UBASH3B: variants seen among roughly 807,000 people sequenced by gnomAD.
UBASH3B encodes the protein ubiquitin-associated and SH3 domain-containing protein B.
Under a neutral mutation model 83.4 loss-of-function variants are expected in UBASH3B, and 37 were observed. That is an observed-to-expected ratio of 0.44 (90% CI 0.34 to 0.58). The LOEUF (loss-of-function observed/expected upper bound fraction) is 0.58, where lower values mean the gene tolerates loss of function less well. UBASH3B is among the 20% of genes least tolerant of loss of function. The pLI, the probability that UBASH3B is intolerant of heterozygous loss-of-function variation, is 0.01. For synonymous variants in UBASH3B, 304 were observed against 318.3 expected, an observed-to-expected ratio of 0.96 and a Z score of 0.48; for missense variants, 657 against 827.2, an observed-to-expected ratio of 0.79 and a Z score of 2.52.
At chr11:122,686,139 A>G (rs761685381) in intron 1 of UBASH3B, among the ~76,000 whole-genome samples, 42 of 152,326 alleles carry the variant, frequency 2.8e-4, no homozygotes, top group South Asian at 1.9e-3. Context: ...AGGAAGTCCA[A>G]TCTCAACTAT....
chr11:122,707,337 G>T (rs1303617799), intron 1 of UBASH3B, among the ~76,000 whole-genome samples: 1 of 152,058 alleles, frequency 6.6e-6, no homozygotes, highest in Non-Finnish European at 1.5e-5. Context: ...TTCTGACGGG[G>T]AGTGGTAACC....
intron 1 of UBASH3B, among the ~76,000 whole-genome samples, chr11:122,699,937 ATTGTTTAGCTT>A (rs1591775441): frequency 6.6e-6 from 1 of 152,254 alleles, no homozygotes; most frequent in East Asian, 1.9e-4. Flanking sequence ...CGTAAATATT[ATTGTTTAGCTT>A]TGGAAATCGA....
At chr11:122,664,663 G>C (rs1383077338) in intron 1 of UBASH3B, among the ~76,000 whole-genome samples, 1 of 152,196 alleles carries the variant, frequency 6.6e-6, no homozygotes, top group Non-Finnish European at 1.5e-5. Context: ...TCACATCCCT[G>C]TTTTCCTGGT....
intron 1 of UBASH3B, among the ~76,000 whole-genome samples, chr11:122,732,485 T>G (rs1043360093): frequency 2.6e-5 from 4 of 152,224 alleles, no homozygotes; most frequent in Admixed American, 2.0e-4. Flanking sequence ...CCCTGCACGT[T>G]GTAAGTCTCT....
Position 122,784,842 on chromosome 11 carries a change from C to T in UBASH3B, c.771+1620C>T, listed in dbSNP as rs556679697. On this transcript the variant is annotated intron_variant, in intron 5 of 13. Transcript: ENST00000284273. ...GGAACGTGATGTCCTCCTTTTGAGTCATTTGATGCAGGTTTCTGTAAGATG... is the reference window on the plus strand; with the variant it reads ...GGAACGTGATGTCCTCCTTTTGAGTTATTTGATGCAGGTTTCTGTAAGATG... Among the ~76,000 whole-genome samples, 338 of 152,242 alleles carry T rather than the reference C, an allele frequency of 2.2e-3. 1 individual carries two copies. Among genetic ancestry groups the T allele is most frequent in the African/African-American group, 7.3e-3 (304 of 41,544 alleles).
chr11:122,799,870 T>G (rs1348938040), intron 10 of UBASH3B, among the ~76,000 whole-genome samples: 1 of 152,226 alleles, frequency 6.6e-6, no homozygotes, highest in African/African-American at 2.4e-5. Flanking sequence ...GCAACAGGAT[T>G]AGACTGTTTA....
chr11:122,790,341 C>A (rs373611502), intron 6 of UBASH3B, among the ~76,000 whole-genome samples: 1 of 152,114 alleles, frequency 6.6e-6, no homozygotes, highest in Non-Finnish European at 1.5e-5. Context: ...AATCCCTCCC[C>A]CTCTCCCTCA....
chr11:122,779,383 G>T, intron 3 of UBASH3B, 114 bp from the exon 4 acceptor site: 1 of 1,132,314 alleles, frequency 8.8e-7, no homozygotes, highest in Admixed American at 1.8e-5. Flanking sequence ...TAGTGGTTAA[G>T]TAATTGCATT....
At position 122,806,282 on chromosome 11, in the gene UBASH3B, G is replaced by C. The variant is rs1011742206; in HGVS notation, c.1596-128G>C. 1.0e-5 allele frequency: 8 copies of C among 772,300 alleles called. No individual in the cohort carries two copies. Among genetic ancestry groups the C allele is most frequent in the Middle Eastern group, 3.0e-4 (1 of 3,350 alleles). 47.8% of individuals were successfully genotyped at this position (772,300 alleles called of 1,614,324 possible). On this transcript the variant is annotated intron_variant, in intron 11 of 13. Coordinates refer to ENST00000284273, the MANE Select transcript of UBASH3B (RefSeq NM_032873.5). This position sits in a 1 kb window ranked among gnomAD's most constrained non-coding sequence, Gnocchi z 4.0. ...GTTCCCTATACCTTTCTCCTTTCTAGGGAAATGGATAAACAAACAGATCTA... is the reference window on the plus strand; with the variant it reads ...GTTCCCTATACCTTTCTCCTTTCTACGGAAATGGATAAACAAACAGATCTA...
At chr11:122,730,795 A>T (rs1182668708) in intron 1 of UBASH3B, among the ~76,000 whole-genome samples, 3 of 151,740 alleles carry the variant, frequency 2.0e-5, no homozygotes, top group Non-Finnish European at 2.9e-5. Flanking sequence ...GGATTTCTCT[A>T]TGTTGGTCAG....
At chr11:122,766,369 C>A (rs1284061485) in intron 1 of UBASH3B, among the ~76,000 whole-genome samples, 2 of 152,056 alleles carry the variant, frequency 1.3e-5, no homozygotes, top group African/African-American at 2.4e-5. Flanking sequence ...ACAGGTGAAA[C>A]CCCGTCTCTA....
chr11:122,770,692 A>C (rs1006790756), intron 1 of UBASH3B, among the ~76,000 whole-genome samples: 1 of 152,138 alleles, frequency 6.6e-6, no homozygotes, highest in African/African-American at 2.4e-5. Context: ...GCTCACTGTC[A>C]CTGTCACCCC....
chr11:122,714,991 G>A (rs1257648542), intron 1 of UBASH3B, among the ~76,000 whole-genome samples: 1 of 152,122 alleles, frequency 6.6e-6, no homozygotes, highest in African/African-American at 2.4e-5. Flanking sequence ...TGTCGCCCGG[G>A]CTGGAGTGCA....
chr11:122,718,405 T>C (rs1223942117), intron 1 of UBASH3B, among the ~76,000 whole-genome samples: 2 of 152,176 alleles, frequency 1.3e-5, no homozygotes, highest in Admixed American at 6.5e-5. Flanking sequence ...GTTATATTAT[T>C]GGGCAGACTT....
chr11:122,802,144 G>A (rs1404384133), intron 11 of UBASH3B, among the ~76,000 whole-genome samples: 4 of 151,766 alleles, frequency 2.6e-5, no homozygotes, highest in African/African-American at 4.8e-5. Flanking sequence ...GTGAAACCCC[G>A]TCTCTACTAA....
At chr11:122,783,303 G>A in intron 5 of UBASH3B, 81 bp downstream of exon 5, 1 of 1,492,946 alleles carries the variant, frequency 6.7e-7, no homozygotes, top group Non-Finnish European at 9.1e-7. Context: ...CAGGGAGATG[G>A]GTACCTACAG....
chr11:122,798,841 G>GTAAA, intron 9 of UBASH3B, 101 bp from the exon 10 acceptor site: 1 of 809,392 alleles, frequency 1.2e-6, no homozygotes, highest in Non-Finnish European at 2.0e-6. Context: ...TTAGGAAAGA[G>GTAAA]GGGTTTACAG....
chr11:122,803,305 G>A (rs1861287265), intron 11 of UBASH3B, among the ~76,000 whole-genome samples: 1 of 152,186 alleles, frequency 6.6e-6, no homozygotes, highest in Non-Finnish European at 1.5e-5. Context: ...ACAAGCCTTT[G>A]GAAGCAAGGA....
At chr11:122,788,151 A>G (rs1205641539) in intron 5 of UBASH3B, among the ~76,000 whole-genome samples, 1 of 152,220 alleles carries the variant, frequency 6.6e-6, no homozygotes, top group Non-Finnish European at 1.5e-5. Flanking sequence ...CGTTTTCTCC[A>G]TCTGATGAAA....
Sources: gnomAD v4.1 joint callset for allele counts (sites outside exome capture counted in the v4.1 genomes callset) on GRCh38, gnomAD v4.1.1 for gene constraint, Gnocchi (gnomAD v3.1) non-coding constraint, MANE v1.5 for transcripts, NCBI Gene and HGNC (gene_info 2026-07-23, HGNC 2026-07-21) for gene names.